CPLANE1: variants seen among roughly 807,000 people sequenced by gnomAD.
CPLANE1 encodes the protein ciliogenesis and planar polarity effector complex subunit 1, also known as ciliogenesis and planar polarity effector 1.
CPLANE1 carries 263 observed loss-of-function variants against 362.5 expected under a neutral mutation model. That is an observed-to-expected ratio of 0.73 (90% CI 0.66 to 0.80). CPLANE1 has a LOEUF of 0.80. Among genes scored for constraint, CPLANE1 ranks in the 30% least tolerant of loss-of-function variants. CPLANE1 has a pLI of 0.00. For missense variants in CPLANE1, 3,461 were observed against 3,793.4 expected (o/e 0.91, Z 2.30); for synonymous variants, 1,212 against 1,302.6 (o/e 0.93, Z 1.50).
chr5:37,081,904 G>T, the CPLANE1 span, among the ~76,000 whole-genome samples: 1 of 152,038 alleles, frequency 6.6e-6, no homozygotes, highest in Non-Finnish European at 1.5e-5. Context: ...ACTTTGGGAG[G>T]CTGAGGCAGG....
chr5:37,079,921 T>C, the CPLANE1 span, among the ~76,000 whole-genome samples: 1 of 152,218 alleles, frequency 6.6e-6, no homozygotes, highest in Non-Finnish European at 1.5e-5. Context: ...TTATCATTAG[T>C]TTATCAAATA....
intron 8 of CPLANE1, among the ~76,000 whole-genome samples, chr5:37,234,835 T>C (rs964064483): frequency 1.3e-5 from 2 of 152,154 alleles, no homozygotes; most frequent in African/African-American, 4.8e-5. Flanking sequence ...AACTCATCAA[T>C]TTCCTCTAGG....
intron 38 of CPLANE1, among the ~76,000 whole-genome samples, chr5:37,162,215 C>T (rs960589579): frequency 1.3e-5 from 2 of 152,128 alleles, no homozygotes; most frequent in African/African-American, 4.8e-5. Context: ...AATCCAAATT[C>T]AAAGCATTAT....
In CPLANE1 at chr5:37,158,146, C is replaced by G. The variant is rs1220519622; in HGVS notation, c.7812+78G>C. ...AGATTTTTAACCTCATTTCATCTACCCAATTGAATAATGTCTACATGACCA... is the reference window on the plus strand; with the variant it reads ...AGATTTTTAACCTCATTTCATCTACGCAATTGAATAATGTCTACATGACCA... On this transcript the variant is annotated intron_variant, in intron 39 of 52. Transcript: ENST00000651892. 7 of 1,453,870 alleles carry G rather than the reference C, an allele frequency of 4.8e-6. No homozygotes were observed. The South Asian group carries it at 8.7e-5, about 18-fold the overall frequency. 90.1% of individuals were successfully genotyped at this position (1,453,870 alleles called of 1,614,324 possible).
chr5:37,205,986 A>T (rs1790616056), intron 17 of CPLANE1, among the ~76,000 whole-genome samples: 1 of 152,222 alleles, frequency 6.6e-6, no homozygotes, highest in Non-Finnish European at 1.5e-5. Flanking sequence ...TAAATTGAAA[A>T]TTTAATTCCT....
At position 37,242,993 on chromosome 5, in the gene CPLANE1, G is replaced by A; in HGVS notation, c.677+20C>T. The A allele has an allele frequency of 6.8e-7, 1 of 1,475,992 alleles. No individual in the cohort carries two copies. The highest frequency in any genetic ancestry group is 9.1e-7 in the Non-Finnish European group (1 of 1,093,610). 91.4% of individuals were successfully genotyped at this position (1,475,992 alleles called of 1,614,324 possible). On this transcript the variant is annotated intron_variant, in intron 6 of 52. Coordinates refer to ENST00000651892, the MANE Select transcript of CPLANE1 (RefSeq NM_001384732.1). ...AAAAAAAAATCAGTAAGAAAAGGAA[G>A]AAGAAAACATTTACCTCACCTTACA...
Position 37,209,514 on chromosome 5 carries a change from C to G in CPLANE1, c.2921-3089G>C. On this transcript the variant is annotated intron_variant, in intron 16 of 52. Coordinates refer to ENST00000651892, the MANE Select transcript of CPLANE1 (RefSeq NM_001384732.1). The surrounding 1 kb of genome is among the most constrained non-coding windows in gnomAD (Gnocchi z 4.6). ...CCAGCTAATTCATGAGTTAATGCACCCTGTATTGAGTGGAGAACTGCAACC... is the reference window on the plus strand; with the variant it reads ...CCAGCTAATTCATGAGTTAATGCACGCTGTATTGAGTGGAGAACTGCAACC... 1 of 1,277,902 alleles carries G rather than the reference C, an allele frequency of 7.8e-7. No homozygotes were observed. The allele number at this position is 1,277,902 out of a possible 1,614,324, so 79.2% of individuals were successfully genotyped here.
At chr5:37,088,287 A>C in the CPLANE1 span, among the ~76,000 whole-genome samples, 1 of 152,246 alleles carries the variant, frequency 6.6e-6, no homozygotes, top group Non-Finnish European at 1.5e-5. Flanking sequence ...GCAGCAGGCA[A>C]TGCAGGCAAT....
rs950560226 is a variant in CPLANE1, at chr5:37,229,082, T to C, written c.1122-1265A>G. ...TAAAAATACAAAAATTATCTGGGCG[T>C]GGTGGCGCGCGCCTGCAATTCCAGC... On this transcript the variant is annotated intron_variant, in intron 9 of 52. Coordinates refer to ENST00000651892, the MANE Select transcript of CPLANE1 (RefSeq NM_001384732.1). Among the ~76,000 whole-genome samples the C allele has an allele frequency of 7.9e-5, 12 of 151,526 alleles. No individual in the cohort carries two copies. The East Asian group carries it at 2.3e-3, about 30-fold the overall frequency.
At chr5:37,085,011 TACA>T in the CPLANE1 span, 4 of 600,178 alleles carry the variant, frequency 6.7e-6, no homozygotes, top group Non-Finnish European at 1.2e-5. Flanking sequence ...TTAGAATTCT[TACA>T]CACACCGGAA....
chr5:37,160,447 C>A (rs918742643), intron 38 of CPLANE1, among the ~76,000 whole-genome samples: 3 of 151,582 alleles, frequency 2.0e-5, no homozygotes, highest in Non-Finnish European at 4.4e-5. Context: ...GAGACCTTGG[C>A]TATTTGGGAG....
intron 46 of CPLANE1, among the ~76,000 whole-genome samples, chr5:37,130,126 T>C (rs540014556): frequency 6.6e-6 from 1 of 152,328 alleles, no homozygotes; most frequent in Admixed American, 6.5e-5. Context: ...ACCATTATCC[T>C]AAGTGAAATA....
rs774142742 is a variant in CPLANE1 at position 37,125,368 on chromosome 5, T to G, written c.8834A>C (p.Lys2945Thr). 2 of 1,613,686 alleles carry G rather than the reference T, an allele frequency of 1.2e-6. No individual in the cohort carries two copies. Among genetic ancestry groups the G allele is most frequent in the Non-Finnish European group, 1.7e-6 (2 of 1,179,912 alleles). Residue 2945 changes from lysine to threonine, a missense_variant, in exon 47 of 53, where the codon AAG (lysine) becomes ACG (threonine). This residue lies in a region of CPLANE1 where 3,380 missense variants were observed against 3,666.1 expected (regional missense o/e 0.92). Transcript: ENST00000651892. Reference protein sequence around the residue: ...YSGRHSQRTDKERREIQAWMK... With the variant: ...YSGRHSQRTDTERREIQAWMK... ...CCAGGCTTGAATCTCTCTTCTTTCC[T>G]TGTCAGTTCTTTGTGAATGTCTGCC...
chr5:37,150,749 T>TA (rs1314188803), intron 42 of CPLANE1, among the ~76,000 whole-genome samples: 1 of 152,222 alleles, frequency 6.6e-6, no homozygotes, highest in African/African-American at 2.4e-5. Flanking sequence ...CTCAAACACT[T>TA]ATCAGTGGAC....
rs1312402794 is a variant in CPLANE1 at position 37,168,899 on chromosome 5, G to T, written c.7125C>A (p.Thr2375=). The T allele has an allele frequency of 6.2e-7, 1 of 1,614,006 alleles. No individual in the cohort carries two copies. Among genetic ancestry groups the T allele is most frequent in the East Asian group, 2.2e-5 (1 of 44,898 alleles). Residue 2375 remains threonine (T), a synonymous_variant, in exon 34 of 53, where the codon ACC becomes ACA. Coordinates refer to ENST00000651892, the MANE Select transcript of CPLANE1 (RefSeq NM_001384732.1). The part of the protein sequence containing the change: ...PLKPPNMFPS[T]SRASITVPST... ...AGGGAACTGTAATAGATGCTCTTGA[G>T]GTTGATGGAAACATATTAGGAGGTT...
intron 8 of CPLANE1, 60 bp from the exon 9 acceptor site, chr5:37,231,109 TA>T: frequency 1.6e-6 from 2 of 1,268,704 alleles, no homozygotes; most frequent in Non-Finnish European, 1.0e-6. Context: ...TATGACGATT[TA>T]AAATGGGCTG....
At chr5:37,129,991 C>A (rs1257401411) in intron 46 of CPLANE1, among the ~76,000 whole-genome samples, 2 of 152,128 alleles carry the variant, frequency 1.3e-5, no homozygotes, top group African/African-American at 4.8e-5. Flanking sequence ...ATGGAACCAG[C>A]CCAAATGCCC....
At chr5:37,195,453 T>C (rs1471294154) in intron 21 of CPLANE1, among the ~76,000 whole-genome samples, 2 of 151,862 alleles carry the variant, frequency 1.3e-5, no homozygotes, top group Non-Finnish European at 2.9e-5. Context: ...ATACAAAAAT[T>C]AGCTGGGTGT....
the CPLANE1 span, among the ~76,000 whole-genome samples, chr5:37,081,878 C>T: frequency 2.5e-4 from 38 of 151,948 alleles, no homozygotes; most frequent in African/African-American, 5.6e-4. Flanking sequence ...CAGTGGCACA[C>T]GCCTGTAATC....
Sources: allele counts gnomAD v4.1 joint callset (sites outside exome capture counted in the v4.1 genomes callset), GRCh38; gene constraint gnomAD v4.1.1; regional missense constraint gnomAD v4.1.1; non-coding constraint Gnocchi (gnomAD v3.1); transcripts MANE v1.5; gene names NCBI Gene and HGNC (gene_info 2026-07-23, HGNC 2026-07-21).